Variants in PDE4D observed in about 807,000 individuals in gnomAD.
PDE4D encodes the protein phosphodiesterase 4D, also known as 3',5'-cyclic-AMP phosphodiesterase 4D.
In PDE4D, 24 loss-of-function variants were observed where a neutral mutation model predicts 87.4. That is an observed-to-expected ratio of 0.27 (90% confidence interval 0.20 to 0.39). PDE4D has a LOEUF of 0.39. PDE4D is among the 10% of genes least tolerant of loss of function. The pLI, the probability that PDE4D is intolerant of heterozygous loss-of-function variation, is 1.00. For synonymous variants in PDE4D, 384 were observed against 383.2 expected (o/e 1.00, Z -0.02); for missense variants, 714 against 1,041.0 (o/e 0.69, Z 4.32).
intron 1 of PDE4D, among the ~76,000 whole-genome samples, chr5:60,450,214 A>G (rs957983154): frequency 6.6e-6 from 1 of 152,108 alleles, no homozygotes. Context: ...TTAAGATATG[A>G]TTGGTGGGGA....
chr5:59,942,018 G>C (rs1757237974), intron 3 of PDE4D, among the ~76,000 whole-genome samples: 1 of 152,160 alleles, frequency 6.6e-6, no homozygotes, highest in Non-Finnish European at 1.5e-5. Flanking sequence ...GGAGGGGAGA[G>C]AGCTCTGTGT....
chr5:59,317,163 C>T (rs1401291125), intron 1 of PDE4D, among the ~76,000 whole-genome samples: 1 of 152,164 alleles, frequency 6.6e-6, no homozygotes, highest in Non-Finnish European at 1.5e-5. Context: ...ACATTTTTGG[C>T]ATTTGCCTAG....
intron 2 of PDE4D, among the ~76,000 whole-genome samples, chr5:60,061,523 T>C (rs1771402877): frequency 6.6e-6 from 1 of 152,120 alleles, no homozygotes; most frequent in Non-Finnish European, 1.5e-5. Flanking sequence ...AGTTTATAGA[T>C]TAAGTGCTAT....
rs1426573894 is a variant in PDE4D, at chr5:59,903,259, A to AATT, written c.272+85228_272+85229insAAT. Among the ~76,000 whole-genome samples the AATT allele has an allele frequency of 9.9e-4, 151 of 152,286 alleles. 1 individual carries two copies. The highest frequency in any genetic ancestry group is 3.5e-3 in the African/African-American group (146 of 41,566). The stretch of plus-strand genomic sequence containing the variant: ...ACAGCAGGAATTAGTAATAACTAAC[A>AATT]AGAACTCAGGACAGTTGCCTAAGGA... On this transcript the variant is annotated intron_variant, in intron 3 of 16. Coordinates refer to the PDE4D transcript ENST00000502484.
chr5:60,477,761 A>C (rs897933100), intron 1 of PDE4D, among the ~76,000 whole-genome samples: 1 of 152,166 alleles, frequency 6.6e-6, no homozygotes, highest in African/African-American at 2.4e-5. Flanking sequence ...GGACTTGCCC[A>C]TGCTTCGACC....
intron 2 of PDE4D, chr5:60,160,903 T>C: frequency 5.0e-6 from 2 of 401,832 alleles, no homozygotes; most frequent in Middle Eastern, 8.3e-4. Context: ...ATTTTTTTAA[T>C]TCTAGGAAAA....
rs191581898 is a variant in PDE4D, at chr5:60,274,069, C to G, written c.-89-88382G>C. Among the ~76,000 whole-genome samples the G allele has an allele frequency of 3.9e-5, 6 of 152,228 alleles. No individual in the cohort carries two copies. In the East Asian group the frequency reaches 9.7e-4, roughly 25 times the overall value. The stretch of plus-strand genomic sequence containing the variant: ...TTAAAAGGGAGGAAGCTGATCCTCT[C>G]CTGATACACTGGAATTATTTGTGCA... On this transcript the variant is annotated intron_variant, in intron 1 of 16. Coordinates refer to the PDE4D transcript ENST00000502484.
chr5:59,811,842 A>G (rs1768386021), intron 1 of PDE4D, among the ~76,000 whole-genome samples: 1 of 152,226 alleles, frequency 6.6e-6, no homozygotes, highest in Non-Finnish European at 1.5e-5. Flanking sequence ...CCTCCTTTGT[A>G]TGATATGGGA....
At chr5:59,080,481 C>A (rs1314080861) in intron 5 of PDE4D, among the ~76,000 whole-genome samples, 1 of 152,140 alleles carries the variant, frequency 6.6e-6, no homozygotes, top group African/African-American at 2.4e-5. Context: ...CTCTGTTCTC[C>A]AGAATGCTCA....
intron 1 of PDE4D, among the ~76,000 whole-genome samples, chr5:59,839,749 A>G (rs1742691723): frequency 6.6e-6 from 1 of 152,014 alleles, no homozygotes; most frequent in Non-Finnish European, 1.5e-5. Flanking sequence ...AGCAGTGTGC[A>G]TCAAAGAGCA....
At chr5:60,335,153 G>A (rs540332984) in intron 1 of PDE4D, 17 of 152,340 alleles carry the variant, frequency 1.1e-4, no homozygotes, top group African/African-American at 4.1e-4. Context: ...AAGGAAGCCA[G>A]ACACTAGTTA....
rs575089863 is a variant in PDE4D, at chr5:60,464,455, C to T, written c.-90+23487G>A. ...TCACTCTGGATATTATCATCACAGG[C>T]AAAAATCAGCTAAGTCAGCTGTTGA... On this transcript the variant is annotated intron_variant, in intron 1 of 16. Transcript: ENST00000502484. Among the ~76,000 whole-genome samples the T allele has an allele frequency of 1.2e-4, 18 of 152,178 alleles. No individual in the cohort carries two copies. In the East Asian group the frequency reaches 3.5e-3, roughly 29 times the overall value.
chr5:59,494,993 C>A (rs1223613875), intron 1 of PDE4D, among the ~76,000 whole-genome samples: 1 of 152,194 alleles, frequency 6.6e-6, no homozygotes, highest in Non-Finnish European at 1.5e-5. Flanking sequence ...ACAATTCCCA[C>A]CTAAGGCTGT....
intron 1 of PDE4D, among the ~76,000 whole-genome samples, chr5:59,543,194 C>T (rs1470106599): frequency 6.6e-6 from 1 of 152,136 alleles, no homozygotes; most frequent in Non-Finnish European, 1.5e-5. Context: ...CAGGTGCTGG[C>T]ATAGTGAAGT....
At chr5:59,893,930 CT>C (rs1751357510), upstream of PDE4D, 1 of 636,402 alleles carries the variant, frequency 1.6e-6, no homozygotes, top group Non-Finnish European at 2.2e-6. Flanking sequence ...GTTGGTCCTT[CT>C]TCCTCCCTTT....
chr5:60,441,647 G>A (rs925077203), intron 1 of PDE4D, among the ~76,000 whole-genome samples: 1 of 152,134 alleles, frequency 6.6e-6, no homozygotes, highest in African/African-American at 2.4e-5. Flanking sequence ...AGAGTGAACA[G>A]GCACCCTACA....
At position 60,431,082 on chromosome 5, in the gene PDE4D, C is replaced by G. The variant is rs560968176; in HGVS notation, c.-90+56860G>C. 2,224 of 245,440 alleles carry G rather than the reference C, an allele frequency of 9.1e-3. 9 individuals are homozygous for G. The highest frequency in any genetic ancestry group is 0.029 in the Middle Eastern group (16 of 560). The allele number at this position is 245,440 out of a possible 1,614,324, so 15.2% of individuals were successfully genotyped here. A position where few individuals can be genotyped will look rare whatever the true frequency, so the allele number is the denominator to read the frequency against. On this transcript the variant is annotated intron_variant, in intron 1 of 16. Transcript: ENST00000502484. ...GTACACCTCCCAGATGGGGTGGTGGCCGGGCAGAGGGGCTCCTCACTTCCC... is the reference window on the plus strand; with the variant it reads ...GTACACCTCCCAGATGGGGTGGTGGGCGGGCAGAGGGGCTCCTCACTTCCC...
chr5:59,088,658 G>C (rs1337573148), intron 5 of PDE4D, among the ~76,000 whole-genome samples: 2 of 152,162 alleles, frequency 1.3e-5, no homozygotes, highest in East Asian at 3.8e-4. Context: ...CAGGAACACT[G>C]ATGGAGCTGG....
At chr5:60,137,965 G>A (rs1780194059) in intron 2 of PDE4D, among the ~76,000 whole-genome samples, 1 of 152,014 alleles carries the variant, frequency 6.6e-6, no homozygotes, top group Admixed American at 6.6e-5. Context: ...TTTTGTATAT[G>A]GTGTAAGGAA....
Sources: gnomAD v4.1 joint callset for allele counts (sites outside exome capture counted in the v4.1 genomes callset) on GRCh38, gnomAD v4.1.1 for gene constraint, MANE v1.5 for transcripts, NCBI Gene and HGNC (gene_info 2026-07-23, HGNC 2026-07-21) for gene names.